The following GPHN variants were observed in gnomAD, a reference collection of about 807,000 sequenced individuals.
The protein encoded by GPHN is gephyrin.
Under a neutral mutation model 95.5 loss-of-function variants are expected in GPHN, and 17 were observed. The ratio of observed to expected loss-of-function variants is 0.18; its 90% CI spans 0.12 to 0.27. The LOEUF is 0.27. Ranked by LOEUF, GPHN falls within the 10% of genes least tolerant of loss-of-function variation. The pLI, the probability that GPHN is intolerant of heterozygous loss-of-function variation, is 1.00. For missense variants in GPHN, 660 were observed against 978.1 expected (o/e 0.67, Z 4.34); for synonymous variants, 320 against 322.5 (o/e 0.99, Z 0.08).
the GPHN span, among the ~76,000 whole-genome samples, chr14:67,260,681 G>A: frequency 4.6e-5 from 7 of 152,184 alleles, no homozygotes; most frequent in South Asian, 1.2e-3. Flanking sequence ...GAAACAATAT[G>A]TCAAAAGTTT....
At chr14:67,023,373 A>G (rs1427177090) in intron 9 of GPHN, among the ~76,000 whole-genome samples, 1 of 152,162 alleles carries the variant, frequency 6.6e-6, no homozygotes, top group Non-Finnish European at 1.5e-5. Flanking sequence ...CAAATGAATA[A>G]AAAATCACCT....
At chr14:66,678,113 C>T (rs1162196973) in intron 1 of GPHN, among the ~76,000 whole-genome samples, 4 of 152,040 alleles carry the variant, frequency 2.6e-5, no homozygotes, top group Non-Finnish European at 1.5e-5. Flanking sequence ...TTTGACCTTT[C>T]CAGATCTTGA....
chr14:66,560,298 G>A (rs2060180364), intron 1 of GPHN, among the ~76,000 whole-genome samples: 1 of 152,132 alleles, frequency 6.6e-6, no homozygotes, highest in Non-Finnish European at 1.5e-5. Flanking sequence ...TAGCTTAATG[G>A]GGATGGCATT....
At chr14:67,555,938 C>T in the GPHN span, 1 of 1,592,660 alleles carries the variant, frequency 6.3e-7, no homozygotes, top group Non-Finnish European at 8.5e-7. Flanking sequence ...GACCGTCGGC[C>T]CTTCCAGGCC....
chr14:66,989,435 A>G (rs889980141), intron 9 of GPHN, among the ~76,000 whole-genome samples: 25 of 151,838 alleles, frequency 1.6e-4, no homozygotes, highest in African/African-American at 5.3e-4. Flanking sequence ...CTGTATGGTA[A>G]TAAGTTAGTA....
chr14:67,163,236 A>G (rs906467020), intron 19 of GPHN, among the ~76,000 whole-genome samples: 4 of 152,050 alleles, frequency 2.6e-5, no homozygotes, highest in African/African-American at 9.7e-5. Flanking sequence ...AGCCCAGGAG[A>G]TGGAGACTGC....
At chr14:67,684,232 T>G in the GPHN span, among the ~76,000 whole-genome samples, 1 of 152,318 alleles carries the variant, frequency 6.6e-6, no homozygotes, top group East Asian at 1.9e-4. Context: ...CTTTCCAATC[T>G]TAATGCTATT....
the GPHN span, among the ~76,000 whole-genome samples, chr14:67,523,785 A>G: frequency 6.6e-6 from 1 of 152,172 alleles, no homozygotes; most frequent in Non-Finnish European, 1.5e-5. Context: ...GCTTTCTCTT[A>G]GGTCCCTCAG....
chr14:66,528,037 CGTT>C (rs1021494341), intron 1 of GPHN, among the ~76,000 whole-genome samples: 67 of 152,158 alleles, frequency 4.4e-4, no homozygotes, highest in African/African-American at 1.5e-3. Context: ...TTTTCTGTCT[CGTT>C]GATCTGTCTA....
intron 1 of GPHN, among the ~76,000 whole-genome samples, chr14:66,663,842 A>G (rs947043606): frequency 3.9e-5 from 6 of 152,206 alleles, no homozygotes; most frequent in African/African-American, 1.4e-4. Context: ...CTGTTCTGAC[A>G]AAACAGACTT....
chr14:67,284,593 G>C, the GPHN span, among the ~76,000 whole-genome samples: 9 of 101,462 alleles, frequency 8.9e-5, no homozygotes, highest in Non-Finnish European at 1.6e-4. Context: ...AAAAAAGGTT[G>C]TGCAATCATC....
At chr14:66,648,710 CT>C (rs1020796403) in intron 1 of GPHN, among the ~76,000 whole-genome samples, 16 of 152,116 alleles carry the variant, frequency 1.1e-4, no homozygotes, top group Admixed American at 3.9e-4. Context: ...GAACATATCC[CT>C]GTTGTTAAGC....
At chr14:66,754,134 C>A (rs1021170509) in intron 2 of GPHN, among the ~76,000 whole-genome samples, 1 of 151,936 alleles carries the variant, frequency 6.6e-6, no homozygotes, top group African/African-American at 2.4e-5. Context: ...GAGTTTTCCA[C>A]TTTTTGTCTA....
At chr14:67,301,265 T>G in the GPHN span, 1 of 493,422 alleles carries the variant, frequency 2.0e-6, no homozygotes, top group African/African-American at 1.9e-5. Context: ...TTCTTTTTAG[T>G]GATTTTATTT....
chr14:66,822,242 G>T (rs556161545), intron 3 of GPHN, among the ~76,000 whole-genome samples: 1 of 152,166 alleles, frequency 6.6e-6, no homozygotes, highest in Non-Finnish European at 1.5e-5. Flanking sequence ...GAGCCACTGC[G>T]TCCAGCCAAC....
chr14:67,272,731 TC>T, the GPHN span, among the ~76,000 whole-genome samples: 1 of 152,208 alleles, frequency 6.6e-6, no homozygotes, highest in African/African-American at 2.4e-5. Flanking sequence ...CGATCTTGGC[TC>T]ACTACAACCT....
intron 1 of GPHN, among the ~76,000 whole-genome samples, chr14:66,640,590 C>G (rs1271270745): frequency 6.6e-6 from 1 of 152,090 alleles, no homozygotes; most frequent in Non-Finnish European, 1.5e-5. Flanking sequence ...TATGAAATGT[C>G]CAAAGTGCTA....
At chr14:67,405,853 G>A in the GPHN span, among the ~76,000 whole-genome samples, 1 of 152,188 alleles carries the variant, frequency 6.6e-6, no homozygotes, top group Non-Finnish European at 1.5e-5. Flanking sequence ...AAGCCTTCAG[G>A]TGACTGTCAC....
the GPHN span, among the ~76,000 whole-genome samples, chr14:67,325,442 C>G: frequency 6.6e-6 from 1 of 152,086 alleles, no homozygotes; most frequent in Non-Finnish European, 1.5e-5. Flanking sequence ...CGCCATATAC[C>G]TACAAATTCT....
Sources: allele counts gnomAD v4.1 joint callset (sites outside exome capture counted in the v4.1 genomes callset), GRCh38; gene constraint gnomAD v4.1.1; transcripts MANE v1.5; gene names NCBI Gene and HGNC (gene_info 2026-07-23, HGNC 2026-07-21).